Variants in UBOX5 observed in about 807,000 individuals in gnomAD.
The protein encoded by UBOX5 is U-box domain containing 5, also known as RING finger protein 37.
A neutral mutation model predicts 39.0 loss-of-function variants in UBOX5; 28 were observed. The observed-to-expected ratio is 0.72, with a 90% CI of 0.53 to 0.98. The LOEUF (loss-of-function observed/expected upper bound fraction) is 0.98. Ranked by LOEUF, UBOX5 falls within the 50% of genes least tolerant of loss-of-function variation. UBOX5 has a pLI of 0.00. For synonymous variants in UBOX5, 283 were observed against 275.5 expected, an observed-to-expected ratio of 1.03 and a Z score of -0.27; for missense variants, 585 against 674.4, an observed-to-expected ratio of 0.87 and a Z score of 1.47.
intron 1 of UBOX5, chr20:3,148,961 T>C (rs761317969): frequency 1.1e-5 from 18 of 1,614,232 alleles, no homozygotes; most frequent in Non-Finnish European, 1.5e-5. Flanking sequence ...TCCCCCATGC[T>C]GTGTGCTGCT....
chr20:3,143,120 T>G (rs1600401552), intron 1 of UBOX5, among the ~76,000 whole-genome samples: 1 of 146,298 alleles, frequency 6.8e-6, no homozygotes, highest in East Asian at 2.0e-4. Context: ...TTTTTTTTTT[T>G]TTTGAGACAG....
chr20:3,118,355 C>A (rs1295927336), intron 3 of UBOX5, among the ~76,000 whole-genome samples: 2 of 151,974 alleles, frequency 1.3e-5, no homozygotes, highest in African/African-American at 4.8e-5. Context: ...CACCTGTAAT[C>A]CCAACTACTC....
intron 1 of UBOX5, chr20:3,148,809 C>T: frequency 6.2e-7 from 1 of 1,614,202 alleles, no homozygotes; most frequent in Non-Finnish European, 8.5e-7. Flanking sequence ...AATGTACTGG[C>T]CTTAGAGGAA....
intron 1 of UBOX5, among the ~76,000 whole-genome samples, chr20:3,157,855 T>C (rs781567401): frequency 1.3e-5 from 2 of 152,226 alleles, no homozygotes; most frequent in Non-Finnish European, 2.9e-5. Context: ...ATAGAGGCTG[T>C]ATAGTACATA....
At chr20:3,120,825 G>A (rs376896637) in intron 3 of UBOX5, among the ~76,000 whole-genome samples, 2 of 152,186 alleles carry the variant, frequency 1.3e-5, no homozygotes, top group African/African-American at 4.8e-5. Context: ...AAGGCCCACA[G>A]ACCTAGTCCT....
In UBOX5 at chr20:3,155,168, C is replaced by T. The variant is rs1169365809; in HGVS notation, c.-42+4598G>A. ...CAGCACTTTGGGAAGCTGAGGTGGG[C>T]GGATTGCTTTAGGCCAGGAGTTCTA... is the stretch of plus-strand genomic sequence containing the variant. On this transcript the variant is annotated intron_variant, in intron 1 of 4. Coordinates refer to ENST00000217173, the MANE Select transcript of UBOX5 (RefSeq NM_014948.4). 2.6e-5 allele frequency among the ~76,000 whole-genome samples: 4 copies of T among 151,604 alleles called. No individual in the cohort carries two copies. In the South Asian group the frequency reaches 6.3e-4, roughly 24 times the overall value.
intron 4 of UBOX5, among the ~76,000 whole-genome samples, chr20:3,113,995 G>A (rs73608118): frequency 3.9e-5 from 6 of 152,248 alleles, no homozygotes; most frequent in East Asian, 1.9e-4. Flanking sequence ...TTAGCTGGGC[G>A]TGGTGGCGGG....
chr20:3,144,155 CT>C (rs1368447983), intron 1 of UBOX5, among the ~76,000 whole-genome samples: 1 of 152,268 alleles, frequency 6.6e-6, no homozygotes, highest in Admixed American at 6.5e-5. Flanking sequence ...AGCCCAAAGG[CT>C]TTTCTTGCAG....
At chr20:3,158,020 G>T (rs2066706261) in intron 1 of UBOX5, among the ~76,000 whole-genome samples, 1 of 151,980 alleles carries the variant, frequency 6.6e-6, no homozygotes, top group Non-Finnish European at 1.5e-5. Context: ...AACCTCCCGG[G>T]CGAGGATCGC....
chr20:3,155,404 A>C (rs2066673771), intron 1 of UBOX5, among the ~76,000 whole-genome samples: 1 of 152,036 alleles, frequency 6.6e-6, no homozygotes, highest in South Asian at 2.1e-4. Flanking sequence ...GGTGGCAGGC[A>C]CCTGTAATCT....
At position 3,110,128 on chromosome 20, in the gene UBOX5, T is replaced by A. The variant is rs534251581; in HGVS notation, c.1604A>T (p.Asp535Val). The stretch of plus-strand genomic sequence containing the variant: ...CACTCAGAAGTGGACCCGCAGCACG[T>A]CTTGGCTAGCAACCGGCCGCTGGCA... ...TACQRPVASQDVLRVHF is the reference protein window; with the variant it reads ...TACQRPVASQVVLRVHF Residue 535 changes from aspartate (D) to valine (V), a missense_variant, in exon 5 of 5, where the codon GAC becomes GTC. Coordinates refer to ENST00000217173, the MANE Select transcript of UBOX5 (RefSeq NM_014948.4). The A allele has an allele frequency of 1.2e-6, 2 of 1,612,464 alleles. No homozygotes were observed. Among genetic ancestry groups the A allele is most frequent in the East Asian group, 4.5e-5 (2 of 44,864 alleles).
At chr20:3,119,091 A>T (rs1349696176) in intron 3 of UBOX5, among the ~76,000 whole-genome samples, 1 of 152,248 alleles carries the variant, frequency 6.6e-6, no homozygotes, top group Non-Finnish European at 1.5e-5. Context: ...TACCTTGGGA[A>T]AAATAAGAAT....
At chr20:3,151,788 C>T (rs1373287574) in intron 1 of UBOX5, 1 of 151,776 alleles carries the variant, frequency 6.6e-6, no homozygotes, top group African/African-American at 2.4e-5. Context: ...AATACTACAG[C>T]ACAGGAAAGG....
chr20:3,131,906 G>A (rs2066431546), intron 1 of UBOX5, among the ~76,000 whole-genome samples: 1 of 151,504 alleles, frequency 6.6e-6, no homozygotes, highest in African/African-American at 2.4e-5. Flanking sequence ...TACTGGGGAG[G>A]CTGAGGCAGG....
chr20:3,109,814 C>G lies in UBOX5; in HGVS notation c.*292G>C. 1 of 479,008 alleles carries G rather than the reference C, an allele frequency of 2.1e-6. No individual in the cohort carries two copies. The highest frequency in any genetic ancestry group is 3.3e-5 in the Admixed American group (1 of 30,002). The allele number at this position is 479,008 out of a possible 1,614,324, so 29.7% of individuals were successfully genotyped here. A position where few individuals can be genotyped will look rare whatever the true frequency, so the allele number is the denominator to read the frequency against. On this transcript the variant is annotated 3_prime_UTR_variant, in exon 5 of 5. Transcript: ENST00000217173. ...GCGGACTGCACGGGGGGGCCCTCAGCAGGGGTCTTCCTGCCTAGGGTGGGG... is the reference window on the plus strand; with the variant it reads ...GCGGACTGCACGGGGGGGCCCTCAGGAGGGGTCTTCCTGCCTAGGGTGGGG...
intron 1 of UBOX5, among the ~76,000 whole-genome samples, chr20:3,152,859 T>G (rs548639762): frequency 6.6e-6 from 1 of 151,072 alleles, no homozygotes; most frequent in East Asian, 1.9e-4. Flanking sequence ...TGAGCTGAGA[T>G]CATACTACTG....
chr20:3,148,472 A>C lies in UBOX5; in HGVS notation c.-42+11294T>G, dbSNP rs541576078. 3.1e-6 allele frequency: 5 copies of C among 1,614,176 alleles called. No individual in the cohort carries two copies. In the South Asian group the frequency reaches 5.5e-5, roughly 18 times the overall value. On this transcript the variant is annotated intron_variant, in intron 1 of 4. Transcript: ENST00000217173. ...ATTGATCAGATCTTGGGTATCAAAG[A>C]GCTGTATCTTCTTCACACTCAGCTG...
At chr20:3,129,044 G>A (rs2066410836) in intron 1 of UBOX5, among the ~76,000 whole-genome samples, 1 of 152,148 alleles carries the variant, frequency 6.6e-6, no homozygotes, top group African/African-American at 2.4e-5. Context: ...AAGCGAGTCA[G>A]CCTTCTGTTC....
intron 1 of UBOX5, among the ~76,000 whole-genome samples, chr20:3,132,178 C>T (rs1007325978): frequency 2.6e-5 from 4 of 151,638 alleles, no homozygotes; most frequent in East Asian, 3.9e-4. Flanking sequence ...GGCATGGTTG[C>T]GCATGCCTGT....
Sources: gnomAD v4.1 joint callset for allele counts (sites outside exome capture counted in the v4.1 genomes callset) on GRCh38, gnomAD v4.1.1 for gene constraint, MANE v1.5 for transcripts, NCBI Gene and HGNC (gene_info 2026-07-23, HGNC 2026-07-21) for gene names.